TASOR2: variants seen among roughly 807,000 people sequenced by gnomAD.
TASOR2 encodes the protein transcription activation suppressor family member 2, also known as protein TASOR 2.
A neutral mutation model predicts 199.5 loss-of-function variants in TASOR2; 84 were observed. That is an observed-to-expected ratio of 0.42 (90% CI 0.35 to 0.50). The LOEUF (loss-of-function observed/expected upper bound fraction) is 0.50. TASOR2 is among the 20% of genes least tolerant of loss of function. The pLI is 0.02. For missense variants in TASOR2, 2,796 were observed against 2,835.9 expected, an observed-to-expected ratio of 0.99 and a Z score of 0.32; for synonymous variants, 1,103 against 1,046.6, an observed-to-expected ratio of 1.05 and a Z score of -1.04.
intron 1 of TASOR2, among the ~76,000 whole-genome samples, chr10:5,707,220 G>A (rs1430817150): frequency 6.6e-6 from 1 of 152,136 alleles, no homozygotes; most frequent in Admixed American, 6.5e-5. Context: ...GCTTTAGAAA[G>A]GCAATTATAA....
chr10:5,718,941 C>T (rs1174180363), intron 3 of TASOR2, among the ~76,000 whole-genome samples: 1 of 152,088 alleles, frequency 6.6e-6, no homozygotes, highest in Non-Finnish European at 1.5e-5. Context: ...GATTTCTTGC[C>T]ACTAGCTGGA....
At chr10:5,695,775 A>T (rs977480083) in intron 1 of TASOR2, among the ~76,000 whole-genome samples, 2 of 152,224 alleles carry the variant, frequency 1.3e-5, no homozygotes, top group Non-Finnish European at 2.9e-5. Context: ...AAATGATTTC[A>T]TGAATTAGAG....
chr10:5,684,917 C>T (rs1380649226), exon 1 of TASOR2: 3 of 397,824 alleles, frequency 7.5e-6, no homozygotes, highest in Admixed American at 4.4e-5. Flanking sequence ...TTGCCTCTTG[C>T]CCGTGACCCT....
Position 5,748,902 on chromosome 10 carries a change from T to C in TASOR2, c.5481T>C (p.Ser1827=). Reference sequence around the variant, plus strand: ...ATTCCGACATGCACTATGAACTCTCTGGAGATTCTGATCTAGACCTGCTTG... The same window carrying C: ...ATTCCGACATGCACTATGAACTCTCCGGAGATTCTGATCTAGACCTGCTTG... Residue 1827 remains serine, a synonymous_variant, in exon 15 of 21, where the codon TCT becomes TCC. Coordinates refer to ENST00000328090, the Ensembl canonical transcript of TASOR2. The surrounding 1 kb of genome is among the most constrained non-coding windows in gnomAD (Gnocchi z 5.1). 1 of 1,614,114 alleles carries C rather than the reference T, an allele frequency of 6.2e-7. No homozygotes were observed. The highest frequency in any genetic ancestry group is 8.5e-7 in the Non-Finnish European group (1 of 1,180,016).
chr10:5,712,738 G>A (rs767786037), intron 1 of TASOR2, 85 bp from the exon 2 acceptor site: 27 of 760,116 alleles, frequency 3.6e-5, no homozygotes, highest in Non-Finnish European at 4.7e-5. Context: ...ATGGCAGGAA[G>A]AATTCAAATG....
intron 11 of TASOR2, 151 bp downstream of exon 12, chr10:5,731,354 C>G: frequency 1.5e-6 from 1 of 683,690 alleles, no homozygotes; most frequent in South Asian, 2.0e-5. Context: ...TACGGTGACA[C>G]CCTGTCTCTA....
rs1164024980 is a variant in TASOR2 at position 5,739,973 on chromosome 10, T to A, written c.1803T>A (p.Ser601=). 2.5e-6 allele frequency: 4 copies of A among 1,614,022 alleles called. No homozygotes were observed. The Admixed American group carries it at 6.7e-5, about 27-fold the overall frequency. Residue 601 remains serine (S), a synonymous_variant, in exon 13 of 21, where the codon TCT becomes TCA. Transcript: ENST00000328090. ...GTGAATTACTACCTAACCCATCTTCTGATAGGAAGAGTAATTCTGGATCAG... is the reference window on the plus strand; with the variant it reads ...GTGAATTACTACCTAACCCATCTTCAGATAGGAAGAGTAATTCTGGATCAG...
In TASOR2 at chr10:5,748,216, G is replaced by GATAC; in HGVS notation, c.4795_4796insATAC (p.Gly1599AspfsTer13). 1 of 1,614,208 alleles carries GATAC rather than the reference G, an allele frequency of 6.2e-7. No homozygotes were observed. Among genetic ancestry groups the GATAC allele is most frequent in the Non-Finnish European group, 8.5e-7 (1 of 1,180,036 alleles). ...ATTGGTTTCCACAACTGCACCAAGTGGTATAGTGAATGTGTCAGTAAAACA... is the reference window on the plus strand; with the variant it reads ...ATTGGTTTCCACAACTGCACCAAGTGATACGTATAGTGAATGTGTCAGTAAAACA... On this transcript the variant is annotated frameshift_variant, in exon 15 of 21. Transcript: ENST00000328090. LOFTEE classifies it high-confidence loss of function. This position sits in a 1 kb window ranked among gnomAD's most constrained non-coding sequence, Gnocchi z 5.1.
chr10:5,723,750 A>G, exon 7 of TASOR2: 1 of 1,606,434 alleles, frequency 6.2e-7, no homozygotes, highest in Non-Finnish European at 8.5e-7. Context: ...GGCTGCCTTC[A>G]GAAAACAGAA....
At chr10:5,696,998 G>A (rs530037256) in intron 1 of TASOR2, among the ~76,000 whole-genome samples, 3 of 152,170 alleles carry the variant, frequency 2.0e-5, no homozygotes, top group Non-Finnish European at 4.4e-5. Flanking sequence ...GTGAAATGAT[G>A]AGAAAATTAG....
In TASOR2 at chr10:5,685,624, C is replaced by T. The variant is rs998197884; in HGVS notation, c.-288+449C>T. 6.6e-6 allele frequency among the ~76,000 whole-genome samples: 1 copy of T among 152,170 alleles called. No homozygotes were observed. The highest frequency in any genetic ancestry group is 2.4e-5 in the African/African-American group (1 of 41,446). On this transcript the variant is annotated intron_variant, in intron 1 of 20. Coordinates refer to ENST00000328090, the Ensembl canonical transcript of TASOR2. This position sits in a 1 kb window ranked among gnomAD's most constrained non-coding sequence, Gnocchi z 5.4. ...GCCACCTTTTCTTTTTAGGGTAAAA[C>T]AGGTCTCTCCGAAGGGAGGGTCATT... is the stretch of plus-strand genomic sequence containing the variant.
In TASOR2 at chr10:5,735,548, T is replaced by C; in HGVS notation, c.1447+2T>C. 6.2e-7 allele frequency: 1 copy of C among 1,612,166 alleles called. No homozygotes were observed. The highest frequency in any genetic ancestry group is 1.1e-5 in the South Asian group (1 of 90,658). On this transcript the variant is annotated splice_donor_variant, in intron 12 of 20. Coordinates refer to ENST00000328090, the Ensembl canonical transcript of TASOR2. LOFTEE classifies it high-confidence loss of function. ...GAAACAGAAAGCAGCTACAACCTGG[T>C]AAGAAATACTCTTCCTATAAATTTA...
chr10:5,759,245 A>T (rs1478540181), intron 18 of TASOR2, among the ~76,000 whole-genome samples: 1 of 152,190 alleles, frequency 6.6e-6, no homozygotes, highest in Non-Finnish European at 1.5e-5. Flanking sequence ...TCCATATTCT[A>T]TTTAAGCCCT....
intron 18 of TASOR2, chr10:5,760,991 T>C (rs1451186056): frequency 8.2e-6 from 2 of 244,164 alleles, no homozygotes; most frequent in Non-Finnish European, 1.6e-5. Context: ...GCTCTACAAA[T>C]ATACAACGCA....
chr10:5,746,813 G>A, exon 15 of TASOR2: 1 of 1,614,160 alleles, frequency 6.2e-7, no homozygotes, highest in South Asian at 1.1e-5. Context: ...TCAGTAGGTG[G>A]AGAGACACTT....
rs5782856 is a variant in TASOR2 at position 5,707,726 on chromosome 10, T to TCACA, written c.-287-5051_-287-5048dup. On this transcript the variant is annotated intron_variant, in intron 1 of 20. Coordinates refer to ENST00000328090, the Ensembl canonical transcript of TASOR2. ...CATACTCACTCTCCCTCACTCATTT[T>TCACA]CACACACACACACACACACACACAC... 1.4e-3 allele frequency among the ~76,000 whole-genome samples: 178 copies of TCACA among 129,190 alleles called. 1 individual carries two copies. The highest frequency in any genetic ancestry group is 4.3e-3 in the African/African-American group (135 of 31,602). 84.8% of individuals were successfully genotyped at this position (129,190 alleles called of 152,430 possible).
intron 1 of TASOR2, among the ~76,000 whole-genome samples, chr10:5,703,801 C>G (rs1054684521): frequency 1.3e-5 from 2 of 152,060 alleles, no homozygotes; most frequent in South Asian, 4.1e-4. Context: ...CGCGCCCGGC[C>G]TCTGATGTTT....
exon 2 of TASOR2, chr10:5,712,889 G>A (rs1203567066): frequency 7.3e-6 from 9 of 1,231,016 alleles, no homozygotes; most frequent in Admixed American, 4.2e-5. Flanking sequence ...AGACACTTAC[G>A]GGTTTCTTCT....
At chr10:5,704,155 C>T (rs1166409112) in intron 1 of TASOR2, among the ~76,000 whole-genome samples, 3 of 146,670 alleles carry the variant, frequency 2.0e-5, no homozygotes, top group Non-Finnish European at 4.5e-5. Context: ...ACCTGGGAGG[C>T]GAAAGTTGCC....
Sources: gnomAD v4.1 joint callset for allele counts (sites outside exome capture counted in the v4.1 genomes callset) on GRCh38, gnomAD v4.1.1 for gene constraint, Gnocchi (gnomAD v3.1) non-coding constraint, MANE v1.5 for transcripts, NCBI Gene and HGNC (gene_info 2026-07-23, HGNC 2026-07-21) for gene names.